Variants in FRMD8 observed in about 807,000 individuals in gnomAD.
The protein encoded by FRMD8 is FERM domain-containing protein 8.
Under a neutral mutation model 54.2 loss-of-function variants are expected in FRMD8, and 37 were observed. The observed-to-expected ratio is 0.68, with a 90% CI of 0.53 to 0.90. The LOEUF (loss-of-function observed/expected upper bound fraction) is 0.90. Among genes scored for constraint, FRMD8 ranks in the 40% least tolerant of loss-of-function variants. The pLI is 0.00. For synonymous variants in FRMD8, 246 were observed against 286.9 expected (o/e 0.86, Z 1.44); for missense variants, 585 against 653.7 (o/e 0.89, Z 1.15).
At chr11:65,379,376 C>T in the FRMD8 span, 5 of 1,608,288 alleles carry the variant, frequency 3.1e-6, no homozygotes, top group Non-Finnish European at 4.2e-6. Flanking sequence ...GCCCCCTCAC[C>T]TGCAGGAACC....
chr11:65,385,327 A>C (rs765418517), upstream of FRMD8, among the ~76,000 whole-genome samples: 4 of 152,154 alleles, frequency 2.6e-5, no homozygotes, highest in Non-Finnish European at 4.4e-5. Context: ...GGCAAGGCAA[A>C]TGTGATGTCA....
the FRMD8 span, among the ~76,000 whole-genome samples, chr11:65,373,631 C>T: frequency 2.0e-5 from 3 of 152,106 alleles, no homozygotes; most frequent in South Asian, 4.1e-4. Context: ...CCATCACCCA[C>T]GCTGGAGTAC....
intron 10 of FRMD8, among the ~76,000 whole-genome samples, chr11:65,406,449 C>T (rs933850380): frequency 1.3e-5 from 2 of 151,892 alleles, no homozygotes; most frequent in African/African-American, 2.4e-5. Context: ...CCGCCTTGGC[C>T]TCCCAAAGTG....
intron 10 of FRMD8, among the ~76,000 whole-genome samples, chr11:65,410,683 A>G (rs7396506): frequency 0.97 from 147,781 of 152,034 alleles, 71,968 homozygotes; most frequent in East Asian, 1. Flanking sequence ...CCAGCTTCTC[A>G]GGAGGCTGAG....
intron 10 of FRMD8, among the ~76,000 whole-genome samples, chr11:65,410,921 A>G (rs1856316026): frequency 6.6e-6 from 1 of 152,336 alleles, no homozygotes; most frequent in African/African-American, 2.4e-5. Flanking sequence ...TCAGATTTCC[A>G]TAGTGTTTTC....
intron 9 of FRMD8, among the ~76,000 whole-genome samples, chr11:65,401,907 G>C (rs1359891255): frequency 7.0e-6 from 1 of 143,674 alleles, no homozygotes. Flanking sequence ...AGACCACAAA[G>C]ATTTTCTCAT....
At chr11:65,399,274 C>T (rs1434558766) in intron 7 of FRMD8, among the ~76,000 whole-genome samples, 1 of 152,106 alleles carries the variant, frequency 6.6e-6, no homozygotes. Context: ...GCTGAGATCA[C>T]AGGCATGAGC....
At chr11:65,372,818 C>T in the FRMD8 span, among the ~76,000 whole-genome samples, 4 of 152,216 alleles carry the variant, frequency 2.6e-5, no homozygotes, top group Non-Finnish European at 2.9e-5. Context: ...CCTCCTCATG[C>T]GTCCTGTTTG....
rs1856352299 is a variant in FRMD8, at chr11:65,412,317, G to GTCCA, written c.*957_*958insTCCA. The GTCCA allele has an allele frequency of 9.2e-6, 1 of 109,244 alleles. No individual in the cohort carries two copies. Among genetic ancestry groups the GTCCA allele is most frequent in the Non-Finnish European group, 1.9e-5 (1 of 52,384 alleles). 6.8% of individuals were successfully genotyped at this position (109,244 alleles called of 1,614,324 possible). ...GTCTTTGTTCATCTGAGTTGTGCTGGGGCAACGCCAGGAAGTGCCCTGGGT... is the reference window on the plus strand; with the variant it reads ...GTCTTTGTTCATCTGAGTTGTGCTGGTCCAGGCAACGCCAGGAAGTGCCCTGGGT... On this transcript the variant is annotated 3_prime_UTR_variant, in exon 11 of 11. Transcript: ENST00000317568.
chr11:65,394,217 C>T (rs1855898285), intron 5 of FRMD8, 42 bp from the exon 6 acceptor site: 1 of 1,594,190 alleles, frequency 6.3e-7, no homozygotes, highest in Non-Finnish European at 8.5e-7. Flanking sequence ...TCTCCCTGCC[C>T]CAGCCCAGCT....
chr11:65,386,947 A>C, intron 1 of FRMD8, 90 bp from the exon 2 acceptor site: 1 of 1,145,006 alleles, frequency 8.7e-7, no homozygotes, highest in South Asian at 1.4e-5. Context: ...CCAGCCTGGG[A>C]TCCCTTACCG....
intron 9 of FRMD8, among the ~76,000 whole-genome samples, chr11:65,401,077 G>A (rs954676172): frequency 2.0e-5 from 3 of 152,108 alleles, no homozygotes; most frequent in Non-Finnish European, 4.4e-5. Flanking sequence ...CAGACTCCAC[G>A]CCGGTGGTGG....
At chr11:65,393,977 A>G (rs1048208245) in intron 4 of FRMD8, 64 bp from the exon 5 acceptor site, 44 of 1,570,674 alleles carry the variant, frequency 2.8e-5, no homozygotes, top group Middle Eastern at 3.3e-4. Context: ...GCCTGGGCCA[A>G]TCGGGAGAGG....
At chr11:65,389,886 A>T (rs1855809859) in intron 3 of FRMD8, among the ~76,000 whole-genome samples, 1 of 152,196 alleles carries the variant, frequency 6.6e-6, no homozygotes, top group South Asian at 2.1e-4. Flanking sequence ...TTTGGGAACC[A>T]TGATTTCACC....
chr11:65,405,650 G>A lies in FRMD8; in HGVS notation c.1276+582G>A, dbSNP rs183992107. Among the ~76,000 whole-genome samples the A allele has an allele frequency of 3.1e-3, 470 of 151,952 alleles. 1 individual carries two copies. The highest frequency in any genetic ancestry group is 0.01 in the African/African-American group (418 of 41,440). ...AAATAAATAAATAAATAAATAAAGC[G>A]TTGGGTAAATCACTGCTGTGACCAC... On this transcript the variant is annotated intron_variant, in intron 10 of 10. Coordinates refer to ENST00000317568, the MANE Select transcript of FRMD8 (RefSeq NM_031904.5).
chr11:65,387,186 T>G, intron 2 of FRMD8, 65 bp downstream of exon 2: 2 of 1,243,122 alleles, frequency 1.6e-6, no homozygotes, highest in Non-Finnish European at 1.2e-6. Context: ...GAAGTAGCTC[T>G]GGCTTGTCTT....
the FRMD8 span, chr11:65,377,473 T>C: frequency 2.1e-6 from 2 of 965,484 alleles, no homozygotes; most frequent in Non-Finnish European, 2.5e-6. Flanking sequence ...GACTGTGAAA[T>C]AGCAAAGAAA....
chr11:65,377,431 G>A, the FRMD8 span: 81 of 1,088,670 alleles, frequency 7.4e-5, no homozygotes, highest in Non-Finnish European at 8.8e-5. Flanking sequence ...TACCTGTACG[G>A]TGGGCAGGGC....
chr11:65,409,891 C>A (rs541846322), intron 10 of FRMD8, among the ~76,000 whole-genome samples: 2 of 152,028 alleles, frequency 1.3e-5, no homozygotes, highest in South Asian at 4.2e-4. Flanking sequence ...TCAGCCTGGG[C>A]AATCGAGCAA....
Sources: allele counts gnomAD v4.1 joint callset (sites outside exome capture counted in the v4.1 genomes callset), GRCh38; gene constraint gnomAD v4.1.1; transcripts MANE v1.5; gene names NCBI Gene and HGNC (gene_info 2026-07-23, HGNC 2026-07-21).